The following PPP3CC variants were observed in gnomAD, a reference collection of about 807,000 sequenced individuals.
PPP3CC encodes serine/threonine-protein phosphatase 2B catalytic subunit gamma isoform.
Under a neutral mutation model 60.3 loss-of-function variants are expected in PPP3CC, and 35 were observed. The observed-to-expected ratio is 0.58, with a 90% CI of 0.44 to 0.77. PPP3CC has a LOEUF of 0.77. Among genes scored for constraint, PPP3CC ranks in the 30% least tolerant of loss-of-function variants. The probability of loss-of-function intolerance (pLI) is 0.00; values close to 1 mark genes in which losing one functional copy is unlikely to be tolerated. For synonymous variants in PPP3CC, 206 were observed against 224.3 expected (o/e 0.92, Z 0.73); for missense variants, 570 against 628.9 (o/e 0.91, Z 1.00).
intron 12 of PPP3CC, among the ~76,000 whole-genome samples, chr8:22,539,059 T>TA (rs904265074): frequency 1.1e-4 from 16 of 152,210 alleles, no homozygotes; most frequent in African/African-American, 3.9e-4. Context: ...GATGTAGTTG[T>TA]AAATAAGCTT....
chr8:22,441,407 A>C lies in PPP3CC; in HGVS notation c.-3A>C. The C allele has an allele frequency of 7.1e-6, 11 of 1,541,336 alleles. No homozygotes were observed. Among genetic ancestry groups the C allele is most frequent in the Non-Finnish European group, 9.6e-6 (11 of 1,144,092 alleles). The stretch of plus-strand genomic sequence containing the variant: ...CTGGAGCCTGGAGGAGGCCGAGGGG[A>C]CCATGTCCGGGAGGCGCTTCCACCT... On this transcript the variant is annotated 5_prime_UTR_variant, in exon 1 of 14. Transcript: ENST00000240139.
At chr8:22,492,966 G>T (rs1838452380) in intron 3 of PPP3CC, 3 of 1,263,912 alleles carry the variant, frequency 2.4e-6, no homozygotes, top group Non-Finnish European at 3.5e-6. Flanking sequence ...AAGGAGACTG[G>T]CTGAAGCTCT....
intron 1 of PPP3CC, among the ~76,000 whole-genome samples, chr8:22,464,476 C>T (rs1244066335): frequency 2.0e-5 from 3 of 152,034 alleles, no homozygotes; most frequent in Admixed American, 6.6e-5. Context: ...ATCTCCTGGG[C>T]TCAAGTGATT....
chr8:22,518,606 T>C (rs1839316991), intron 6 of PPP3CC, among the ~76,000 whole-genome samples: 1 of 152,244 alleles, frequency 6.6e-6, no homozygotes, highest in South Asian at 2.1e-4. Flanking sequence ...TTCATAGTGT[T>C]GTTCAGTTCT....
At chr8:22,515,289 C>G (rs1839213313) in intron 6 of PPP3CC, among the ~76,000 whole-genome samples, 1 of 152,202 alleles carries the variant, frequency 6.6e-6, no homozygotes, top group African/African-American at 2.4e-5. Context: ...CATGTTGTTG[C>G]AAATGACAGG....
chr8:22,518,673 T>C (rs1367831899), intron 6 of PPP3CC, among the ~76,000 whole-genome samples: 1 of 152,140 alleles, frequency 6.6e-6, no homozygotes, highest in Non-Finnish European at 1.5e-5. Flanking sequence ...GAATGATGTA[T>C]TGAAGTTACT....
chr8:22,513,186 C>A, intron 5 of PPP3CC, 107 bp from the exon 6 acceptor site: 2 of 1,168,178 alleles, frequency 1.7e-6, no homozygotes, highest in East Asian at 2.5e-5. Flanking sequence ...GGCTTCTCTC[C>A]TAATACATTC....
chr8:22,485,028 G>A (rs763544426), intron 3 of PPP3CC, among the ~76,000 whole-genome samples: 1 of 152,094 alleles, frequency 6.6e-6, no homozygotes, highest in Non-Finnish European at 1.5e-5. Flanking sequence ...CTTATTTGGA[G>A]TATATTATTT....
intron 3 of PPP3CC, among the ~76,000 whole-genome samples, chr8:22,484,405 T>C (rs1238855969): frequency 2.6e-5 from 4 of 152,220 alleles, no homozygotes; most frequent in African/African-American, 9.6e-5. Context: ...CTTATGGCTT[T>C]TGTTTTAGAG....
At chr8:22,500,596 A>G (rs746210379) in intron 4 of PPP3CC, among the ~76,000 whole-genome samples, 2 of 152,222 alleles carry the variant, frequency 1.3e-5, no homozygotes, top group Non-Finnish European at 2.9e-5. Context: ...ATATGCTCAT[A>G]TGAATTCTTG....
At position 22,498,065 on chromosome 8, in the gene PPP3CC, A is replaced by G; in HGVS notation, c.437A>G (p.Asn146Ser). The change falls in exon 4 of 14, where the codon AAT becomes AGT. Residue 146 changes from asparagine (N) to serine (S), a missense_variant. Coordinates refer to ENST00000240139, the MANE Select transcript of PPP3CC (RefSeq NM_005605.5). ...HPKTLFLLRG[N>S]HECRHLTDYF... ...AAAACATTGTTTCTGCTTCGGGGAAATCATGAATGCAGGCATCTTACAGAC... is the reference window on the plus strand; with the variant it reads ...AAAACATTGTTTCTGCTTCGGGGAAGTCATGAATGCAGGCATCTTACAGAC... 3 of 1,613,402 alleles carry G rather than the reference A, an allele frequency of 1.9e-6. No homozygotes were observed. Among genetic ancestry groups the G allele is most frequent in the South Asian group, 1.1e-5 (1 of 91,034 alleles).
chr8:22,489,660 T>TATTATATATAAGTATAG (rs1484580563), intron 3 of PPP3CC, among the ~76,000 whole-genome samples: 18 of 141,444 alleles, frequency 1.3e-4, no homozygotes, highest in African/African-American at 4.7e-4. Context: ...AATAAGTATA[T>TATTATATATAAGTATAG]ATTATATATA....
At chr8:22,491,155 A>C (rs936035082) in intron 3 of PPP3CC, among the ~76,000 whole-genome samples, 2 of 152,154 alleles carry the variant, frequency 1.3e-5, no homozygotes, top group Admixed American at 1.3e-4. Flanking sequence ...ACCCTCATAT[A>C]AATCTACCAT....
chr8:22,524,828 C>G (rs1839497437), intron 8 of PPP3CC, among the ~76,000 whole-genome samples: 1 of 152,122 alleles, frequency 6.6e-6, no homozygotes, highest in Non-Finnish European at 1.5e-5. Flanking sequence ...TGGTTTTGTT[C>G]TTGATTATTT....
At position 22,522,372 on chromosome 8, in the gene PPP3CC, T is replaced by A. The variant is rs148889359; in HGVS notation, c.771-119T>A. On this transcript the variant is annotated intron_variant, in intron 6 of 13. Coordinates refer to ENST00000240139, the MANE Select transcript of PPP3CC (RefSeq NM_005605.5). ...TAAGCTATTCATAAAATTTCAGTAG[T>A]GTGTAATACTTGTAGTTTTGAAACA... 8.7e-6 allele frequency: 6 copies of A among 691,810 alleles called. No homozygotes were observed. In the African/African-American group the frequency reaches 1.1e-4, roughly 12 times the overall value. 42.9% of individuals were successfully genotyped at this position (691,810 alleles called of 1,614,324 possible). A position where few individuals can be genotyped will look rare whatever the true frequency, so the allele number is the denominator to read the frequency against.
At chr8:22,518,412 T>C (rs983993735) in intron 6 of PPP3CC, among the ~76,000 whole-genome samples, 7 of 152,194 alleles carry the variant, frequency 4.6e-5, no homozygotes, top group African/African-American at 1.2e-4. Flanking sequence ...TCTTAAGTTA[T>C]TGATTTCTAG....
chr8:22,485,925 G>C (rs1586822469), intron 3 of PPP3CC, among the ~76,000 whole-genome samples: 1 of 152,274 alleles, frequency 6.6e-6, no homozygotes, highest in East Asian at 1.9e-4. Flanking sequence ...ATTAGCCTTA[G>C]AATTTCAGCA....
chr8:22,525,960 C>T (rs369013626), intron 8 of PPP3CC, among the ~76,000 whole-genome samples: 1 of 150,006 alleles, frequency 6.7e-6, no homozygotes, highest in African/African-American at 2.5e-5. Flanking sequence ...CTCTGCCTCC[C>T]GGGTTCAAGC....
Position 22,531,897 on chromosome 8 carries a change from G to T in PPP3CC, c.1142-328G>T, listed in dbSNP as rs577251106. The stretch of plus-strand genomic sequence containing the variant: ...CATCTTTGCTGTAGCAGCTTTCTTT[G>T]TGAGGTTTGTTTATGTATGTGTGTG... On this transcript the variant is annotated intron_variant, in intron 10 of 13. Coordinates refer to ENST00000240139, the MANE Select transcript of PPP3CC (RefSeq NM_005605.5). Among the ~76,000 whole-genome samples, 31 of 152,300 alleles carry T rather than the reference G, an allele frequency of 2.0e-4. No individual in the cohort carries two copies. The South Asian group carries it at 6.2e-3, about 31-fold the overall frequency.
Sources: gnomAD v4.1 joint callset for allele counts (sites outside exome capture counted in the v4.1 genomes callset) on GRCh38, gnomAD v4.1.1 for gene constraint, MANE v1.5 for transcripts, NCBI Gene and HGNC (gene_info 2026-07-23, HGNC 2026-07-21) for gene names.